FBXL13: variants seen among roughly 807,000 people sequenced by gnomAD.
FBXL13 encodes F-box and leucine rich repeat protein 13.
Under a neutral mutation model 83.6 loss-of-function variants are expected in FBXL13, and 67 were observed. The observed-to-expected ratio is 0.80, with a 90% confidence interval of 0.66 to 0.98. The LOEUF (loss-of-function observed/expected upper bound fraction) is 0.98. Ranked by LOEUF, FBXL13 falls within the 50% of genes least tolerant of loss-of-function variation. The probability of loss-of-function intolerance (pLI) is 0.00; values close to 1 mark genes in which losing one functional copy is unlikely to be tolerated. For synonymous variants in FBXL13, 272 were observed against 299.5 expected (o/e 0.91, Z 0.95); for missense variants, 822 against 866.5 (o/e 0.95, Z 0.64).
At chr7:103,042,600 T>C (rs567972881) in intron 2 of FBXL13, among the ~76,000 whole-genome samples, 1 of 152,298 alleles carries the variant, frequency 6.6e-6, no homozygotes, top group Admixed American at 6.5e-5. Context: ...CAAAACAGCA[T>C]GGTACTGGTA....
chr7:103,009,454 G>C (rs1791354085), intron 6 of FBXL13, among the ~76,000 whole-genome samples: 1 of 152,218 alleles, frequency 6.6e-6, no homozygotes. Flanking sequence ...AGAGCCCCCA[G>C]GGGGATTCAC....
chr7:102,975,921 A>G, intron 6 of FBXL13: 1 of 763,912 alleles, frequency 1.3e-6, no homozygotes, highest in South Asian at 1.3e-5. Flanking sequence ...CCACAGCTCC[A>G]CACAGAAGCC....
chr7:102,820,822 C>T (rs1222197033), intron 19 of FBXL13, among the ~76,000 whole-genome samples: 1 of 152,228 alleles, frequency 6.6e-6, no homozygotes, highest in Non-Finnish European at 1.5e-5. Flanking sequence ...GCAAAGCCCT[C>T]ATCACCTAAT....
intron 8 of FBXL13, chr7:102,944,461 A>G (rs749095531): frequency 2.5e-6 from 4 of 1,614,112 alleles, no homozygotes; most frequent in South Asian, 1.1e-5. Context: ...AAAATATATT[A>G]GAAGTTACTA....
downstream of FBXL13, among the ~76,000 whole-genome samples, chr7:102,812,813 T>C (rs1797505789): frequency 6.6e-6 from 1 of 151,958 alleles, no homozygotes. Context: ...GGCAGAAATT[T>C]TGTGTAGTCA....
intron 6 of FBXL13, chr7:102,973,306 C>T (rs555790244): frequency 1.7e-5 from 9 of 532,626 alleles, no homozygotes; most frequent in Admixed American, 1.1e-4. Flanking sequence ...GTACCAGCAG[C>T]GTGAGTCAGC....
At chr7:102,926,596 CA>C (rs750998901) in intron 9 of FBXL13, among the ~76,000 whole-genome samples, 16 of 152,296 alleles carry the variant, frequency 1.1e-4, no homozygotes, top group Admixed American at 3.3e-4. Context: ...CCTTGGAAAT[CA>C]AGTCTCATTC....
At chr7:102,999,674 C>T (rs1478307391) in intron 6 of FBXL13, among the ~76,000 whole-genome samples, 1 of 151,970 alleles carries the variant, frequency 6.6e-6, no homozygotes, top group African/African-American at 2.4e-5. Context: ...GTATCCATTT[C>T]TTCTATGTTT....
At chr7:102,986,598 T>A (rs948304116) in intron 6 of FBXL13, among the ~76,000 whole-genome samples, 1 of 152,130 alleles carries the variant, frequency 6.6e-6, no homozygotes, top group African/African-American at 2.4e-5. Context: ...CATGGGTGCT[T>A]GGCTGTGAGA....
chr7:102,919,959 T>C (rs1816666323), intron 10 of FBXL13, among the ~76,000 whole-genome samples: 1 of 152,156 alleles, frequency 6.6e-6, no homozygotes, highest in Admixed American at 6.5e-5. Context: ...ATTACAATAT[T>C]GAGTGCAAAC....
At chr7:102,819,364 A>C (rs1354338759) in intron 19 of FBXL13, among the ~76,000 whole-genome samples, 4 of 151,472 alleles carry the variant, frequency 2.6e-5, no homozygotes, top group African/African-American at 9.7e-5. Context: ...AACCCTTCAG[A>C]CTCTGGGGTT....
At chr7:102,862,977 G>C (rs1269000717) in intron 16 of FBXL13, among the ~76,000 whole-genome samples, 1 of 152,104 alleles carries the variant, frequency 6.6e-6, no homozygotes, top group Non-Finnish European at 1.5e-5. Context: ...TCTAGATCTA[G>C]CCCAGATCTC....
chr7:102,913,246 T>G, intron 10 of FBXL13, 31 bp from the exon 12 acceptor site: 1 of 1,613,080 alleles, frequency 6.2e-7, no homozygotes, highest in Non-Finnish European at 8.5e-7. Flanking sequence ...AAGGAAAGTA[T>G]TATACTTCCG....
intron 8 of FBXL13, among the ~76,000 whole-genome samples, chr7:102,952,690 A>C (rs1823598385): frequency 6.6e-6 from 1 of 152,140 alleles, no homozygotes; most frequent in South Asian, 2.1e-4. Context: ...GCAATCAAAA[A>C]ACCTCCAACA....
At chr7:102,900,162 A>T (rs1402672975) in intron 11 of FBXL13, among the ~76,000 whole-genome samples, 1 of 152,228 alleles carries the variant, frequency 6.6e-6, no homozygotes, top group Non-Finnish European at 1.5e-5. Context: ...ATTTTTTCTA[A>T]GAAATATAGT....
At chr7:102,850,861 T>C (rs1805096100) in intron 17 of FBXL13, among the ~76,000 whole-genome samples, 2 of 152,178 alleles carry the variant, frequency 1.3e-5, no homozygotes, top group Non-Finnish European at 2.9e-5. Flanking sequence ...TTGGGGGAAA[T>C]TGACATTATG....
At chr7:102,962,803 A>G (rs1381980609) in intron 8 of FBXL13, among the ~76,000 whole-genome samples, 3 of 130,442 alleles carry the variant, frequency 2.3e-5, no homozygotes, top group Non-Finnish European at 3.2e-5. Context: ...GGACACAGGA[A>G]GGGGAATATC....
chr7:102,929,539 C>CTA (rs1353367866), intron 9 of FBXL13, among the ~76,000 whole-genome samples: 1 of 151,736 alleles, frequency 6.6e-6, no homozygotes, highest in Non-Finnish European at 1.5e-5. Flanking sequence ...TGGCACGTGC[C>CTA]TATAATCCCA....
At chr7:103,043,755 C>T (rs1795991945) in intron 2 of FBXL13, among the ~76,000 whole-genome samples, 1 of 152,118 alleles carries the variant, frequency 6.6e-6, no homozygotes, top group East Asian at 1.9e-4. Flanking sequence ...CTCAGGTGAT[C>T]CACCTGCCTT....
Sources: allele counts gnomAD v4.1 joint callset (sites outside exome capture counted in the v4.1 genomes callset), GRCh38; gene constraint gnomAD v4.1.1; transcripts MANE v1.5; gene names NCBI Gene and HGNC (gene_info 2026-07-23, HGNC 2026-07-21).